Variants in ZNF280C observed in about 807,000 individuals in gnomAD.
The protein encoded by ZNF280C is zinc finger protein 280C.
In ZNF280C, 14 loss-of-function variants were observed where a neutral mutation model predicts 53.6. The observed-to-expected ratio is 0.26, with a 90% CI of 0.17 to 0.41. The LOEUF (loss-of-function observed/expected upper bound fraction) is 0.41. Among genes scored for constraint, ZNF280C ranks in the 10% least tolerant of loss-of-function variants. ZNF280C has a pLI of 1.00. For missense variants in ZNF280C, 416 were observed against 547.1 expected (o/e 0.76, Z 2.39); for synonymous variants, 203 against 181.1 (o/e 1.12, Z -0.97).
rs1319260965 is a variant in ZNF280C at position 130,236,591 on chromosome X, A to G, written c.542T>C (p.Val181Ala). The change falls in exon 7 of 19, where the codon GTA becomes GCA. Residue 181 changes from valine (V) to alanine (A), a missense_variant. Val to Ala is a moderately conservative substitution (Grantham distance 64, BLOSUM62 0). Around this residue, in one of 3 missense-constraint regions of ZNF280C, gnomAD observed 193 missense variants for 201.4 expected, o/e 0.96. Coordinates refer to ENST00000370978, the MANE Select transcript of ZNF280C (RefSeq NM_017666.5). ...YVLKHPSTSK[V>A]NSVTPKKPKT... ...TGGTTTTTTTGGAGTAACACTGTTTACTTTAGAAGTAGAAGGATGTTTCAA... is the reference window on the plus strand; with the variant it reads ...TGGTTTTTTTGGAGTAACACTGTTTGCTTTAGAAGTAGAAGGATGTTTCAA... 2 of 1,198,466 alleles carry G rather than the reference A, an allele frequency of 1.7e-6. No homozygotes were observed. Among genetic ancestry groups the G allele is most frequent in the Non-Finnish European group, 2.3e-6 (2 of 886,642 alleles).
intron 2 of ZNF280C, among the ~76,000 whole-genome samples, chrX:130,249,270 C>T (rs1316771283): frequency 1.8e-5 from 2 of 112,118 alleles, no homozygotes; most frequent in African/African-American, 6.5e-5. Context: ...GCCACTTCTG[C>T]GAAAGCCCAC....
intron 1 of ZNF280C, among the ~76,000 whole-genome samples, chrX:130,266,799 T>C (rs1261582969): frequency 2.7e-5 from 3 of 111,883 alleles, no homozygotes; most frequent in African/African-American, 9.8e-5. Flanking sequence ...GACGTATATA[T>C]TTGATTCAAA....
chrX:130,217,296 A>G (rs1404708148), intron 13 of ZNF280C, among the ~76,000 whole-genome samples: 4 of 112,239 alleles, frequency 3.6e-5, no homozygotes, highest in African/African-American at 9.7e-5. Flanking sequence ...ACATGGTACA[A>G]TATCAATGAA....
At chrX:130,230,430 G>T in intron 9 of ZNF280C, 80 bp downstream of exon 9, 1 of 598,919 alleles carries the variant, frequency 1.7e-6, no homozygotes, top group Non-Finnish European at 2.5e-6. Flanking sequence ...ACCGAGGATG[G>T]CAGAGCAATG....
chrX:130,262,876 A>G (rs1316852347), intron 1 of ZNF280C, among the ~76,000 whole-genome samples: 1 of 112,490 alleles, frequency 8.9e-6, no homozygotes, highest in Non-Finnish European at 1.9e-5. Context: ...TTTTGGTTTC[A>G]GCTTTTATGT....
intron 1 of ZNF280C, among the ~76,000 whole-genome samples, chrX:130,266,702 C>T (rs998918925): frequency 2.7e-5 from 3 of 111,262 alleles, no homozygotes; most frequent in East Asian, 5.6e-4. Flanking sequence ...AAAGTCTAGA[C>T]GAATACTCTA....
At chrX:130,262,932 T>G (rs747004703) in intron 1 of ZNF280C, among the ~76,000 whole-genome samples, 1 of 112,402 alleles carries the variant, frequency 8.9e-6, no homozygotes, top group African/African-American at 3.2e-5. Flanking sequence ...CTACAAAAAG[T>G]TAAAAATAGA....
rs2031958008 is a variant in ZNF280C, at chrX:130,205,123, G to A, written c.2192C>T (p.Thr731Ile). 8.3e-6 allele frequency: 10 copies of A among 1,200,329 alleles called. No homozygotes were observed. The highest frequency in any genetic ancestry group is 1.0e-5 in the Non-Finnish European group (9 of 890,901). The change falls in exon 18 of 19, where the codon ACT (threonine) becomes ATT (isoleucine). Residue 731 changes from threonine to isoleucine, a missense_variant. By Grantham distance (89) the Thr-to-Ile change is moderately conservative. Coordinates refer to ENST00000370978, the MANE Select transcript of ZNF280C (RefSeq NM_017666.5). ...GAAGGAAAATTAAACTTACCCAGTA[G>A]TGGGTTCAGAAGTTGAGGTACTTTT... ...VSKSTSTSEP[T>I]TGCSLK
chrX:130,260,831 G>GA (rs1178670431), intron 1 of ZNF280C, among the ~76,000 whole-genome samples: 4 of 111,033 alleles, frequency 3.6e-5, no homozygotes, highest in African/African-American at 1.3e-4. Context: ...TTTACTACTT[G>GA]AAAAAATCGG....
chrX:130,251,282 CAAAAAAAAAAAAA>C (rs61571389), intron 2 of ZNF280C, among the ~76,000 whole-genome samples: 12 of 15,357 alleles, frequency 7.8e-4, no homozygotes, highest in Non-Finnish European at 9.9e-4. Flanking sequence ...GGACCTGTCT[CAAAAAAAAAAAAA>C]AAAAAAAAAA....
At position 130,215,232 on chromosome X, in the gene ZNF280C, T is replaced by C. The variant is rs1429096924; in HGVS notation, c.1940A>G (p.Asn647Ser). Reference sequence around the variant, plus strand: ...TACAAAGGCTTTGTTACAGTTAGTATTGTACTTGCAAAAACTGCAGTGGAT... The same window carrying C: ...TACAAAGGCTTTGTTACAGTTAGTACTGTACTTGCAAAAACTGCAGTGGAT... ...IYIHCSFCKY[N>S]TNCNKAFVNH... Residue 647 changes from asparagine (N) to serine (S), a missense_variant, in exon 15 of 19, where the codon AAT becomes AGT. Coordinates refer to ENST00000370978, the MANE Select transcript of ZNF280C (RefSeq NM_017666.5). 8.3e-7 allele frequency: 1 copy of C among 1,206,467 alleles called. No homozygotes were observed. Among genetic ancestry groups the C allele is most frequent in the African/African-American group, 1.7e-5 (1 of 57,648 alleles).
chrX:130,228,447 C>A (rs1013750784), intron 10 of ZNF280C, among the ~76,000 whole-genome samples: 9 of 108,919 alleles, frequency 8.3e-5, no homozygotes, highest in Non-Finnish European at 1.3e-4. Flanking sequence ...CCTTGCCTGG[C>A]TAATTTTGTA....
At chrX:130,217,591 A>AT (rs1240021040) in intron 13 of ZNF280C, among the ~76,000 whole-genome samples, 1 of 112,317 alleles carries the variant, frequency 8.9e-6, no homozygotes, top group African/African-American at 3.2e-5. Flanking sequence ...ATTGTGTGAT[A>AT]TATGAATTAT....
intron 16 of ZNF280C, among the ~76,000 whole-genome samples, chrX:130,206,181 C>G (rs898184411): frequency 1.0e-4 from 11 of 110,417 alleles, no homozygotes; most frequent in Non-Finnish European, 2.1e-4. Context: ...GTGGATTCTG[C>G]AATCTAGTAT....
At chrX:130,260,552 TC>T in intron 1 of ZNF280C, 87 bp from the exon 2 acceptor site, 1 of 696,336 alleles carries the variant, frequency 1.4e-6, no homozygotes, top group Non-Finnish European at 2.1e-6. Context: ...AGATCCAAAA[TC>T]TTTGGGTCTA....
At chrX:130,267,497 TTC>T (rs2032701986) in intron 1 of ZNF280C, among the ~76,000 whole-genome samples, 1 of 111,590 alleles carries the variant, frequency 9.0e-6, no homozygotes, top group African/African-American at 3.3e-5. Context: ...CTCGGTAAAG[TTC>T]TGTCCTTGAG....
rs533338494 is a variant in ZNF280C, at chrX:130,263,514, G to A, written c.-16-3049C>T. 3.6e-5 allele frequency among the ~76,000 whole-genome samples: 4 copies of A among 111,863 alleles called. No individual in the cohort carries two copies. The South Asian group carries it at 1.5e-3, about 42-fold the overall frequency. ...AATGTCTAGAAATGTCAAATCCATA[G>A]ACAGAAAGTAGAGTAGAGGCTGCAT... On this transcript the variant is annotated intron_variant, in intron 1 of 18. Coordinates refer to ENST00000370978, the MANE Select transcript of ZNF280C (RefSeq NM_017666.5).
At chrX:130,216,905 C>T (rs2032110753) in intron 13 of ZNF280C, among the ~76,000 whole-genome samples, 1 of 111,413 alleles carries the variant, frequency 9.0e-6, no homozygotes, top group Non-Finnish European at 1.9e-5. Context: ...GAGGCTGAGG[C>T]AGGAAAATTG....
Position 130,203,808 on chromosome X carries a change from T to C in ZNF280C, c.*1169A>G, listed in dbSNP as rs2031941099. On this transcript the variant is annotated 3_prime_UTR_variant, in exon 19 of 19. Transcript: ENST00000370978. ...TTTTCCAAAAACAAGAAAGTAACCTTGGTTCCCAATACAACCAGAATTTTG... is the reference window on the plus strand; with the variant it reads ...TTTTCCAAAAACAAGAAAGTAACCTCGGTTCCCAATACAACCAGAATTTTG... The C allele has an allele frequency of 8.9e-6, 1 of 112,270 alleles. No individual in the cohort carries two copies. Among genetic ancestry groups the C allele is most frequent in the Non-Finnish European group, 1.9e-5 (1 of 53,271 alleles). 9.3% of individuals were successfully genotyped at this position (112,270 alleles called of 1,213,427 possible). A position where few individuals can be genotyped will look rare whatever the true frequency, so the allele number is the denominator to read the frequency against.
Sources: allele counts gnomAD v4.1 joint callset (sites outside exome capture counted in the v4.1 genomes callset), GRCh38; gene constraint gnomAD v4.1.1; regional missense constraint gnomAD v4.1.1; transcripts MANE v1.5; gene names NCBI Gene and HGNC (gene_info 2026-07-23, HGNC 2026-07-21).